The following PARD3 variants were observed in gnomAD, a reference collection of about 807,000 sequenced individuals.
The protein encoded by PARD3 is par-3 family cell polarity regulator.
Under a neutral mutation model 155.4 loss-of-function variants are expected in PARD3, and 75 were observed. That is an observed-to-expected ratio of 0.48 (90% CI 0.40 to 0.58). The LOEUF (loss-of-function observed/expected upper bound fraction) is 0.58, where lower values mean the gene tolerates loss of function less well. PARD3 is among the 20% of genes least tolerant of loss of function. The pLI, the probability that PARD3 is intolerant of heterozygous loss-of-function variation, is 0.00. For missense variants in PARD3, 1,642 were observed against 1,721.7 expected, an observed-to-expected ratio of 0.95 and a Z score of 0.82; for synonymous variants, 576 against 610.5, an observed-to-expected ratio of 0.94 and a Z score of 0.83.
At chr10:34,470,002 T>G in intron 4 of PARD3, 83 bp downstream of exon 4, 1 of 1,148,586 alleles carries the variant, frequency 8.7e-7, no homozygotes, top group Middle Eastern at 3.0e-4. Flanking sequence ...AATCCAATGG[T>G]TTACCCAAGA....
intron 22 of PARD3, among the ~76,000 whole-genome samples, chr10:34,158,615 AGT>A (rs1360664401): frequency 6.6e-6 from 1 of 152,200 alleles, no homozygotes; most frequent in East Asian, 1.9e-4. Context: ...AGCCCTGGCT[AGT>A]GAGAAAGAGT....
At chr10:34,659,790 G>C (rs2093275959) in intron 2 of PARD3, among the ~76,000 whole-genome samples, 1 of 152,122 alleles carries the variant, frequency 6.6e-6, no homozygotes. Flanking sequence ...TCTTCCTGTA[G>C]TGCAAGTTAG....
chr10:34,566,788 A>G (rs2085979107), intron 2 of PARD3, among the ~76,000 whole-genome samples: 3 of 152,294 alleles, frequency 2.0e-5, no homozygotes, highest in South Asian at 4.1e-4. Context: ...ATCCATTCCC[A>G]CATCAGGCCA....
chr10:34,671,641 A>T (rs553251571), intron 2 of PARD3, among the ~76,000 whole-genome samples: 1 of 152,336 alleles, frequency 6.6e-6, no homozygotes, highest in East Asian at 1.9e-4. Flanking sequence ...CATCAAGAAA[A>T]GCAGAAACTG....
intron 13 of PARD3, 70 bp from the exon 14 acceptor site, chr10:34,359,387 G>A: frequency 4.0e-6 from 4 of 1,004,914 alleles, no homozygotes; most frequent in South Asian, 1.9e-5. Context: ...TTTTCCTTTA[G>A]TTAATAAATA....
intron 1 of PARD3, among the ~76,000 whole-genome samples, chr10:34,803,963 C>A: frequency 6.6e-6 from 1 of 151,974 alleles, no homozygotes; most frequent in Non-Finnish European, 1.5e-5. Context: ...AAAATGCCAC[C>A]ACCTTCCAGA....
chr10:34,229,399 A>C lies in PARD3; in HGVS notation c.3419+40258T>G, dbSNP rs937585339. Among the ~76,000 whole-genome samples the C allele has an allele frequency of 5.9e-5, 9 of 151,822 alleles. 1 individual carries two copies. Among genetic ancestry groups the C allele is most frequent in the African/African-American group, 2.2e-4 (9 of 41,228 alleles). On this transcript the variant is annotated intron_variant, in intron 22 of 24. Transcript: ENST00000374788. ...TATGCGCAGCTAATTTTAGAATTTTAGAATTTTTATTGTAGTGTAGAATTT... is the reference window on the plus strand; with the variant it reads ...TATGCGCAGCTAATTTTAGAATTTTCGAATTTTTATTGTAGTGTAGAATTT...
At chr10:34,244,837 T>G (rs988596012) in intron 22 of PARD3, among the ~76,000 whole-genome samples, 1 of 152,200 alleles carries the variant, frequency 6.6e-6, no homozygotes, top group Admixed American at 6.5e-5. Flanking sequence ...AATGTACACA[T>G]GAATTTGGAG....
intron 1 of PARD3, among the ~76,000 whole-genome samples, chr10:34,779,935 C>T (rs1487110949): frequency 6.6e-6 from 1 of 152,186 alleles, no homozygotes; most frequent in Non-Finnish European, 1.5e-5. Context: ...TCCCTTCTAG[C>T]TGTAGATCTA....
intron 22 of PARD3, among the ~76,000 whole-genome samples, chr10:34,132,163 C>T (rs938308806): frequency 1.3e-5 from 2 of 152,056 alleles, no homozygotes; most frequent in Non-Finnish European, 2.9e-5. Flanking sequence ...ATTCTCACAG[C>T]AAAAATGAAA....
At chr10:34,605,180 ATTTTTTTTTTTTTT>A (rs750688603) in intron 2 of PARD3, among the ~76,000 whole-genome samples, 24 of 62,486 alleles carry the variant, frequency 3.8e-4, no homozygotes, top group Admixed American at 1.1e-3. Flanking sequence ...CCAAAATGAA[ATTTTTTTTTTTTTT>A]TTTTTTTTTT....
chr10:34,647,525 T>C (rs1362809178), intron 2 of PARD3, among the ~76,000 whole-genome samples: 2 of 152,194 alleles, frequency 1.3e-5, no homozygotes, highest in African/African-American at 4.8e-5. Flanking sequence ...CCACAGAAAA[T>C]ACAAAAAATC....
At chr10:34,539,666 G>C (rs1167937390) in intron 2 of PARD3, among the ~76,000 whole-genome samples, 1 of 152,176 alleles carries the variant, frequency 6.6e-6, no homozygotes, top group East Asian at 1.9e-4. Context: ...GTCTCAAAAA[G>C]AAAGTAAAAC....
chr10:34,484,263 G>C lies in PARD3; in HGVS notation c.404-14000C>G, dbSNP rs181687648. ...TCATGAATGAGCACAAAGGTGCCCC[G>C]AGTATTAATTTAGGAGCTACAAATA... On this transcript the variant is annotated intron_variant, in intron 3 of 24. Coordinates refer to ENST00000374788, the MANE Select transcript of PARD3 (RefSeq NM_001184785.2). Among the ~76,000 whole-genome samples, 6 of 152,294 alleles carry C rather than the reference G, an allele frequency of 3.9e-5. No individual in the cohort carries two copies. The East Asian group carries it at 1.2e-3, about 29-fold the overall frequency.
At chr10:34,489,980 C>T (rs1157683959) in intron 3 of PARD3, among the ~76,000 whole-genome samples, 1 of 152,100 alleles carries the variant, frequency 6.6e-6, no homozygotes, top group African/African-American at 2.4e-5. Flanking sequence ...AAATCCAAGC[C>T]TCAGTCGTCA....
intron 1 of PARD3, among the ~76,000 whole-genome samples, chr10:34,725,153 C>CTGTGTGTGTG (rs2094684170): frequency 5.1e-4 from 65 of 127,550 alleles, no homozygotes; most frequent in African/African-American, 1.9e-3. Context: ...GTGTGTGTGA[C>CTGTGTGTGTG]AGAGAGAGAG....
intron 12 of PARD3, among the ~76,000 whole-genome samples, chr10:34,365,907 A>T (rs1839922694): frequency 6.6e-6 from 1 of 152,184 alleles, no homozygotes; most frequent in African/African-American, 2.4e-5. Context: ...ATTTAAAAAA[A>T]TACATTATCT....
chr10:34,290,333 T>TA (rs1218055147), intron 20 of PARD3, among the ~76,000 whole-genome samples: 1 of 152,196 alleles, frequency 6.6e-6, no homozygotes, highest in Non-Finnish European at 1.5e-5. Flanking sequence ...GGTTTAGCAA[T>TA]AGTCTTTAAA....
intron 1 of PARD3, among the ~76,000 whole-genome samples, chr10:34,773,584 G>A (rs1019218192): frequency 2.6e-5 from 4 of 152,226 alleles, no homozygotes; most frequent in Non-Finnish European, 5.9e-5. Context: ...CACCAACAAC[G>A]TCCAAATGCA....
Sources: gnomAD v4.1 joint callset for allele counts (sites outside exome capture counted in the v4.1 genomes callset) on GRCh38, gnomAD v4.1.1 for gene constraint, MANE v1.5 for transcripts, NCBI Gene and HGNC (gene_info 2026-07-23, HGNC 2026-07-21) for gene names.